The following SYNE2 variants were observed in gnomAD, a reference collection of about 807,000 sequenced individuals.
The protein encoded by SYNE2 is spectrin repeat containing nuclear envelope protein 2.
Under a neutral mutation model 856.3 loss-of-function variants are expected in SYNE2, and 431 were observed. The ratio of observed to expected loss-of-function variants is 0.50; its 90% CI spans 0.47 to 0.55. SYNE2 has a LOEUF of 0.55. Among genes scored for constraint, SYNE2 ranks in the 20% least tolerant of loss-of-function variants. SYNE2 has a pLI of 0.00. For synonymous variants in SYNE2, 2,923 were observed against 2,872.3 expected (o/e 1.02, Z -0.56); for missense variants, 8,129 against 8,023.2 (o/e 1.01, Z -0.50).
intron 57 of SYNE2, among the ~76,000 whole-genome samples, chr14:64,085,433 T>G (rs1026199671): frequency 2.6e-5 from 4 of 152,228 alleles, no homozygotes; most frequent in African/African-American, 9.6e-5. Context: ...CAGGGCTACC[T>G]TAGAGGCTGC....
At chr14:63,809,500 A>C (rs1331889916) in intron 1 of SYNE2, among the ~76,000 whole-genome samples, 1 of 152,158 alleles carries the variant, frequency 6.6e-6, no homozygotes, top group African/African-American at 2.4e-5. Flanking sequence ...TTAAAGAGAC[A>C]GGGCCTCTCC....
intron 1 of SYNE2, among the ~76,000 whole-genome samples, chr14:63,868,652 T>C (rs1896065205): frequency 6.6e-6 from 1 of 152,186 alleles, no homozygotes; most frequent in African/African-American, 2.4e-5. Flanking sequence ...ATAGCAATTA[T>C]CTCTAGGAAG....
chr14:63,934,048 G>A (rs950655242), intron 2 of SYNE2, among the ~76,000 whole-genome samples: 1 of 152,208 alleles, frequency 6.6e-6, no homozygotes, highest in Non-Finnish European at 1.5e-5. Flanking sequence ...CTATAAAGGT[G>A]TTTAATTGCA....
At chr14:63,821,426 A>G (rs1889206803) in intron 1 of SYNE2, among the ~76,000 whole-genome samples, 1 of 152,162 alleles carries the variant, frequency 6.6e-6, no homozygotes, top group Non-Finnish European at 1.5e-5. Flanking sequence ...AGGAAACTTC[A>G]AAATGTATTT....
In SYNE2 at chr14:64,219,246, C is replaced by T. The variant is rs1206752141; in HGVS notation, c.19696C>T (p.Leu6566Phe). 6.2e-7 allele frequency: 1 copy of T among 1,613,616 alleles called. No homozygotes were observed. The highest frequency in any genetic ancestry group is 8.5e-7 in the Non-Finnish European group (1 of 1,179,974). The change falls in exon 110 of 116, where the codon CTT becomes TTT. Residue 6566 changes from leucine to phenylalanine, a missense_variant. This residue lies in a region of SYNE2 where 5,410 missense variants were observed against 5,284.8 expected (regional missense o/e 1.02). Coordinates refer to ENST00000555002, the MANE Select transcript of SYNE2 (RefSeq NM_182914.3). ...DRWEMIQAQE[L>F]HNKLKIKQNL... Reference sequence around the variant, plus strand: ...ATGGGAGATGATTCAAGCACAGGAGCTTCACAATAAGCTCAAAATAAAACA... The same window carrying T: ...ATGGGAGATGATTCAAGCACAGGAGTTTCACAATAAGCTCAAAATAAAACA...
In SYNE2 at chr14:64,006,497, G is replaced by C. The variant is rs1388088561; in HGVS notation, c.4398-546G>C. Among the ~76,000 whole-genome samples the C allele has an allele frequency of 2.6e-5, 4 of 151,968 alleles. No individual in the cohort carries two copies. The East Asian group carries it at 5.8e-4, about 22-fold the overall frequency. On this transcript the variant is annotated intron_variant, in intron 30 of 115. Transcript: ENST00000555002. ...GACATATGTTAATGCTAATGTTTTT[G>C]TATATTTATTATATTTATTTAAAGC...
chr14:63,969,169 CTTTT>C (rs34436117), intron 11 of SYNE2, among the ~76,000 whole-genome samples: 2 of 128,942 alleles, frequency 1.6e-5, no homozygotes, highest in African/African-American at 2.9e-5. Flanking sequence ...GAATCTCATT[CTTTT>C]TTTTTTTTTT....
rs148320530 is a variant in SYNE2, at chr14:63,920,976, G to A, written c.79+11749G>A. ...TAAAAAATACAAAAATTAGCTGGGC[G>A]TGTTGGCATGCACCTGTAATCTCAG... On this transcript the variant is annotated intron_variant, in intron 2 of 115. Transcript: ENST00000555002. Among the ~76,000 whole-genome samples the A allele has an allele frequency of 4.6e-3, 701 of 152,144 alleles. 2 individuals are homozygous for A. The highest frequency in any genetic ancestry group is 0.031 in the Middle Eastern group (9 of 294).
intron 73 of SYNE2, among the ~76,000 whole-genome samples, chr14:64,128,161 T>C (rs767652038): frequency 6.6e-6 from 1 of 152,178 alleles, no homozygotes; most frequent in African/African-American, 2.4e-5. Context: ...TTTAGAAATA[T>C]ATACTGAAAC....
intron 82 of SYNE2, among the ~76,000 whole-genome samples, chr14:64,143,457 G>A (rs1385148797): frequency 6.6e-6 from 1 of 152,164 alleles, no homozygotes; most frequent in Non-Finnish European, 1.5e-5. Flanking sequence ...CAGCTGACAG[G>A]CAGCCTCCCC....
intron 1 of SYNE2, among the ~76,000 whole-genome samples, chr14:63,895,337 C>T (rs1386292283): frequency 6.6e-6 from 1 of 151,634 alleles, no homozygotes; most frequent in African/African-American, 2.4e-5. Flanking sequence ...TCTTGAACTC[C>T]TGACCTTGTG....
intron 32 of SYNE2, among the ~76,000 whole-genome samples, chr14:64,014,647 TCGAACTCCTGAC>T (rs59489195): frequency 0.035 from 5,249 of 152,140 alleles, 306 homozygotes; most frequent in African/African-American, 0.12. Flanking sequence ...CAGGCTGGTC[TCGAACTCCTGAC>T]CTTGTGATCC....
At chr14:63,774,117 G>C (rs939284100) in intron 1 of SYNE2, among the ~76,000 whole-genome samples, 1 of 150,870 alleles carries the variant, frequency 6.6e-6, no homozygotes, top group Non-Finnish European at 1.5e-5. Flanking sequence ...GGCAGATCAC[G>C]AGGTCAGGAG....
chr14:63,774,583 G>T (rs1477270196), intron 1 of SYNE2, among the ~76,000 whole-genome samples: 1 of 151,102 alleles, frequency 6.6e-6, no homozygotes, highest in Non-Finnish European at 1.5e-5. Flanking sequence ...CACCCAGGAT[G>T]TAGTGCAGTG....
In SYNE2 at chr14:63,769,075, G is replaced by A. The variant is rs533880769; in HGVS notation, c.-305+7089G>A. Among the ~76,000 whole-genome samples, 4 of 152,274 alleles carry A rather than the reference G, an allele frequency of 2.6e-5. No homozygotes were observed. The South Asian group carries it at 8.3e-4, about 32-fold the overall frequency. On this transcript the variant is annotated intron_variant, in intron 1 of 23. Transcript: ENST00000674003. ...GGATGGCTTGAGCCCAGGAGTTTGA[G>A]ACCAGCCTGGGCAATACAGTGAGAC...
intron 63 of SYNE2, chr14:64,099,059 G>A: frequency 2.0e-6 from 1 of 499,238 alleles, no homozygotes; most frequent in East Asian, 3.9e-5. Context: ...ACGGGAGAAG[G>A]TGAAGAAGTT....
Position 63,882,709 on chromosome 14 carries a change from AAAAC to A in SYNE2, c.-51-26373_-51-26370del, listed in dbSNP as rs376529672. 9.5e-4 allele frequency among the ~76,000 whole-genome samples: 145 copies of A among 152,298 alleles called. 1 individual carries two copies. The highest frequency in any genetic ancestry group is 3.0e-3 in the African/African-American group (124 of 41,564). Reference sequence around the variant, plus strand: ...TGACAGAGTGGGCCCCTATCTCAGAAAAACAAACAAACAAACAAAAACAAAAAAA... The same window carrying A: ...TGACAGAGTGGGCCCCTATCTCAGAAAAACAAACAAACAAAAACAAAAAAA... On this transcript the variant is annotated intron_variant, in intron 1 of 115. Coordinates refer to ENST00000555002, the MANE Select transcript of SYNE2 (RefSeq NM_182914.3).
intron 45 of SYNE2, among the ~76,000 whole-genome samples, chr14:64,041,017 T>G (rs1450190249): frequency 6.6e-6 from 1 of 152,050 alleles, no homozygotes; most frequent in Non-Finnish European, 1.5e-5. Flanking sequence ...AATAATAAAT[T>G]TCTCAACATG....
chr14:64,069,950 T>A (rs2153598816), intron 51 of SYNE2, among the ~76,000 whole-genome samples: 1 of 152,278 alleles, frequency 6.6e-6, no homozygotes. Context: ...ATTTGATAAA[T>A]GAGTACTGCA....
Sources: gnomAD v4.1 joint callset for allele counts (sites outside exome capture counted in the v4.1 genomes callset) on GRCh38, gnomAD v4.1.1 for gene constraint, gnomAD v4.1.1 regional missense constraint, MANE v1.5 for transcripts, NCBI Gene and HGNC (gene_info 2026-07-23, HGNC 2026-07-21) for gene names.